IGF1R: variants seen among roughly 807,000 people sequenced by gnomAD.
IGF1R encodes the protein insulin like growth factor 1 receptor.
In IGF1R, 44 loss-of-function variants were observed where a neutral mutation model predicts 144.6. The ratio of observed to expected loss-of-function variants is 0.30; its 90% CI spans 0.24 to 0.39. The LOEUF (loss-of-function observed/expected upper bound fraction) is 0.39. Among genes scored for constraint, IGF1R ranks in the 10% least tolerant of loss-of-function variants. The pLI is 1.00. For synonymous variants in IGF1R, 795 were observed against 722.8 expected, an observed-to-expected ratio of 1.10 and a Z score of -1.60; for missense variants, 1,355 against 1,833.7, an observed-to-expected ratio of 0.74 and a Z score of 4.77.
At position 98,916,790 on chromosome 15, in the gene IGF1R, T is replaced by C; in HGVS notation, c.2115T>C (p.Thr705=). 1 of 1,614,030 alleles carries C rather than the reference T, an allele frequency of 6.2e-7. No homozygotes were observed. The highest frequency in any genetic ancestry group is 1.3e-5 in the African/African-American group (1 of 74,960). ...GGCCTTGCTGCGCCTGCCCCAAAACTGAAGCCGAGAAGCAGGCCGAGAAGG... is the reference window on the plus strand; with the variant it reads ...GGCCTTGCTGCGCCTGCCCCAAAACCGAAGCCGAGAAGCAGGCCGAGAAGG... ...EKGPCCACPK[T]EAEKQAEKEE... is the part of the protein sequence containing the mutation. The change falls in exon 10 of 21, where the codon ACT becomes ACC. Residue 705 remains threonine (T), a synonymous_variant. Coordinates refer to ENST00000650285, the MANE Select transcript of IGF1R (RefSeq NM_000875.5).
Position 98,674,418 on chromosome 15 carries a change from C to T in IGF1R, c.94+24743C>T, listed in dbSNP as rs75732268. ...TCAATATCATCACCCTAGGCTTCCTCGTCCTTCCAGTTACTTCTTTTCCAG... is the reference window on the plus strand; with the variant it reads ...TCAATATCATCACCCTAGGCTTCCTTGTCCTTCCAGTTACTTCTTTTCCAG... On this transcript the variant is annotated intron_variant, in intron 1 of 20. Coordinates refer to ENST00000650285, the MANE Select transcript of IGF1R (RefSeq NM_000875.5). Among the ~76,000 whole-genome samples, 19 of 152,280 alleles carry T rather than the reference C, an allele frequency of 1.2e-4. No individual in the cohort carries two copies. The East Asian group carries it at 2.9e-3, about 23-fold the overall frequency.
chr15:98,707,512 A>G lies in IGF1R; in HGVS notation c.95-50A>G, dbSNP rs368831380. The G allele has an allele frequency of 6.4e-7, 1 of 1,551,802 alleles. No homozygotes were observed. Among genetic ancestry groups the G allele is most frequent in the Non-Finnish European group, 8.9e-7 (1 of 1,128,712 alleles). The stretch of plus-strand genomic sequence containing the variant: ...TGTATTATTGTTTGGAAAATAGTTT[A>G]AAAATTATTTCCTTCTAACTGAGAC... On this transcript the variant is annotated intron_variant, in intron 1 of 20. Transcript: ENST00000650285. This position sits in a 1 kb window ranked among gnomAD's most constrained non-coding sequence, Gnocchi z 6.7.
intron 2 of IGF1R, among the ~76,000 whole-genome samples, chr15:98,793,310 A>G (rs575109286): frequency 2.0e-5 from 3 of 152,270 alleles, no homozygotes; most frequent in African/African-American, 7.2e-5. Context: ...TGTGTTGTCA[A>G]TAAACAAGTC....
At chr15:98,950,180 CCTAT>C (rs1051821625) in intron 20 of IGF1R, among the ~76,000 whole-genome samples, 3 of 152,194 alleles carry the variant, frequency 2.0e-5, no homozygotes, top group Non-Finnish European at 2.9e-5. Context: ...GCACCCAGCT[CCTAT>C]CTCTCACCCA....
chr15:98,764,847 T>C (rs1366954266), intron 2 of IGF1R, among the ~76,000 whole-genome samples: 3 of 152,162 alleles, frequency 2.0e-5, no homozygotes, highest in African/African-American at 7.2e-5. Flanking sequence ...CATTTAAAGG[T>C]GAACAACTCA....
chr15:98,961,310 A>G lies in IGF1R; in HGVS notation c.*3868A>G, dbSNP rs1196946145. The G allele has an allele frequency of 8.6e-6, 2 of 233,370 alleles. No homozygotes were observed. The highest frequency in any genetic ancestry group is 3.6e-4 in the South Asian group (2 of 5,520). The allele number at this position is 233,370 out of a possible 1,614,324, so 14.5% of individuals were successfully genotyped here. On this transcript the variant is annotated 3_prime_UTR_variant, in exon 21 of 21. Transcript: ENST00000650285. The stretch of plus-strand genomic sequence containing the variant: ...TTTGTTTAAACTGTCCGAGTTACTG[A>G]TGTCATTTTGTTTTTGTTTTATGTA...
chr15:98,839,738 C>T (rs116801411), intron 2 of IGF1R, among the ~76,000 whole-genome samples: 180 of 152,304 alleles, frequency 1.2e-3, no homozygotes, highest in African/African-American at 3.8e-3. Context: ...GGAATCTCCA[C>T]AAGCCCAGCC....
intron 2 of IGF1R, among the ~76,000 whole-genome samples, chr15:98,792,120 G>C (rs931679151): frequency 2.6e-5 from 4 of 152,218 alleles, no homozygotes; most frequent in African/African-American, 9.7e-5. Flanking sequence ...ACTTGAGTCA[G>C]AATAACTTTC....
At chr15:98,670,084 G>A (rs1054142044) in intron 1 of IGF1R, among the ~76,000 whole-genome samples, 1 of 152,048 alleles carries the variant, frequency 6.6e-6, no homozygotes, top group Non-Finnish European at 1.5e-5. Context: ...TTGGATGTTC[G>A]GGGACCTGCA....
At chr15:98,697,582 C>G (rs1448134965) in intron 1 of IGF1R, among the ~76,000 whole-genome samples, 1 of 151,826 alleles carries the variant, frequency 6.6e-6, no homozygotes, top group Non-Finnish European at 1.5e-5. Context: ...TGTGGCCAAA[C>G]CTGCTTTCCT....
At chr15:98,735,235 T>C (rs2054584324) in intron 2 of IGF1R, among the ~76,000 whole-genome samples, 1 of 152,196 alleles carries the variant, frequency 6.6e-6, no homozygotes, top group South Asian at 2.1e-4. Flanking sequence ...TGACTTTCAT[T>C]TCCCAGGGAA....
At position 98,963,818 on chromosome 15, in the gene IGF1R, A is replaced by AACAT. The variant is rs1333530826; in HGVS notation, c.*6380_*6383dup. On this transcript the variant is annotated 3_prime_UTR_variant, in exon 21 of 21. Coordinates refer to ENST00000650285, the MANE Select transcript of IGF1R (RefSeq NM_000875.5). ...GAAAAGAATTTTTAATAAAAACTATAACATACACAAAAATTGGTTTTAAAG... is the reference window on the plus strand; with the variant it reads ...GAAAAGAATTTTTAATAAAAACTATAACATACATACACAAAAATTGGTTTTAAAG... 1 of 232,984 alleles carries AACAT rather than the reference A, an allele frequency of 4.3e-6. No individual in the cohort carries two copies. The highest frequency in any genetic ancestry group is 2.2e-5 in the African/African-American group (1 of 45,360). The allele number at this position is 232,984 out of a possible 1,614,324, so 14.4% of individuals were successfully genotyped here.
chr15:98,909,346 C>T (rs528592255), intron 6 of IGF1R, among the ~76,000 whole-genome samples: 14 of 142,488 alleles, frequency 9.8e-5, no homozygotes, highest in African/African-American at 3.6e-4. Flanking sequence ...ACTGTAACCT[C>T]CACCTCGGTT....
At chr15:98,720,711 C>G (rs1466247487) in intron 2 of IGF1R, among the ~76,000 whole-genome samples, 1 of 152,210 alleles carries the variant, frequency 6.6e-6, no homozygotes. Flanking sequence ...GATGTTAAGT[C>G]TTAGATCTTT....
chr15:98,781,510 G>C (rs2055860469), intron 2 of IGF1R, among the ~76,000 whole-genome samples: 1 of 152,150 alleles, frequency 6.6e-6, no homozygotes, highest in Non-Finnish European at 1.5e-5. Flanking sequence ...GTGGAACCTA[G>C]TTTCTCAGTT....
At chr15:98,656,806 C>G (rs73473423) in intron 1 of IGF1R, among the ~76,000 whole-genome samples, 11 of 152,108 alleles carry the variant, frequency 7.2e-5, no homozygotes, top group African/African-American at 2.7e-4. Context: ...TCCATCCATC[C>G]GTCCATCGTC....
chr15:98,680,269 A>G (rs1484843596), intron 1 of IGF1R, among the ~76,000 whole-genome samples: 2 of 133,466 alleles, frequency 1.5e-5, no homozygotes, highest in African/African-American at 3.1e-5. Context: ...ACGTATGTAT[A>G]CTTTTTTTTT....
At chr15:98,922,064 A>G in intron 10 of IGF1R, 84 bp from the exon 11 acceptor site, 2 of 1,481,704 alleles carry the variant, frequency 1.3e-6, no homozygotes, top group Non-Finnish European at 1.9e-6. Flanking sequence ...CACGGTTAAG[A>G]TTCTTCTGTT....
chr15:98,808,786 C>A (rs573019882), intron 2 of IGF1R, among the ~76,000 whole-genome samples: 1 of 151,382 alleles, frequency 6.6e-6, no homozygotes, highest in Non-Finnish European at 1.5e-5. Flanking sequence ...CTCAAGAAAT[C>A]GTCCTGTCTC....
Sources: gnomAD v4.1 joint callset for allele counts (sites outside exome capture counted in the v4.1 genomes callset) on GRCh38, gnomAD v4.1.1 for gene constraint, Gnocchi (gnomAD v3.1) non-coding constraint, MANE v1.5 for transcripts, NCBI Gene and HGNC (gene_info 2026-07-23, HGNC 2026-07-21) for gene names.